The following ZNF704 variants were observed in gnomAD, a reference collection of about 807,000 sequenced individuals.
ZNF704 encodes the protein zinc finger protein 704.
Under a neutral mutation model 44.7 loss-of-function variants are expected in ZNF704, and 10 were observed. That is an observed-to-expected ratio of 0.22 (90% confidence interval 0.14 to 0.38). ZNF704 has a LOEUF of 0.38. Among genes scored for constraint, ZNF704 ranks in the 10% least tolerant of loss-of-function variants. ZNF704 has a pLI of 1.00. For missense variants in ZNF704, 390 were observed against 545.5 expected (o/e 0.71, Z 2.84); for synonymous variants, 211 against 207.6 (o/e 1.02, Z -0.14).
At chr8:80,828,412 A>G (rs1304656780) in intron 1 of ZNF704, among the ~76,000 whole-genome samples, 2 of 152,218 alleles carry the variant, frequency 1.3e-5, no homozygotes, top group Admixed American at 6.5e-5. Context: ...AGGACTGGAG[A>G]AAACCAGTTA....
chr8:80,742,286 C>T (rs1806773484), intron 2 of ZNF704, among the ~76,000 whole-genome samples: 1 of 152,220 alleles, frequency 6.6e-6, no homozygotes, highest in Non-Finnish European at 1.5e-5. Context: ...AGCCCCAATA[C>T]TCAGCAGAAG....
intron 4 of ZNF704, among the ~76,000 whole-genome samples, chr8:80,684,589 G>A (rs539840965): frequency 1.3e-5 from 2 of 152,286 alleles, no homozygotes; most frequent in East Asian, 3.9e-4. Context: ...CAACTAGACA[G>A]AACATATTGT....
chr8:80,816,964 C>T (rs1808186457), intron 2 of ZNF704, among the ~76,000 whole-genome samples: 1 of 152,138 alleles, frequency 6.6e-6, no homozygotes, highest in African/African-American at 2.4e-5. Flanking sequence ...TTCCTACCAA[C>T]CCCAAGAAAC....
chr8:80,673,968 G>A (rs62515115), intron 4 of ZNF704, among the ~76,000 whole-genome samples: 1 of 152,166 alleles, frequency 6.6e-6, no homozygotes, highest in South Asian at 2.1e-4. Flanking sequence ...GCAGCTCCTG[G>A]GCACACACAC....
At chr8:80,724,060 GTGT>G (rs1285234045) in intron 2 of ZNF704, among the ~76,000 whole-genome samples, 3 of 152,164 alleles carry the variant, frequency 2.0e-5, no homozygotes, top group African/African-American at 7.2e-5. Context: ...TACAAAAATG[GTGT>G]TGTTTTGAAG....
intron 2 of ZNF704, among the ~76,000 whole-genome samples, chr8:80,700,718 T>C (rs1328353344): frequency 6.6e-6 from 1 of 152,190 alleles, no homozygotes; most frequent in Admixed American, 6.5e-5. Context: ...ATGTTAACAA[T>C]TGTTGAAGCC....
At position 80,692,029 on chromosome 8, in the gene ZNF704, T is replaced by C. The variant is rs142967122; in HGVS notation, c.325+975A>G. ...CTGTGACCACCAAGATCTTTTTTTT[T>C]CCTTTGGCTGATAAACCTAATCATA... On this transcript the variant is annotated intron_variant, in intron 3 of 8. Transcript: ENST00000327835. 3.8e-3 allele frequency among the ~76,000 whole-genome samples: 572 copies of C among 152,276 alleles called. 3 individuals are homozygous for C. The highest frequency in any genetic ancestry group is 6.8e-3 in the Middle Eastern group (2 of 294).
chr8:80,861,334 A>G (rs1355689399), intron 1 of ZNF704, among the ~76,000 whole-genome samples: 2 of 152,078 alleles, frequency 1.3e-5, no homozygotes, highest in Non-Finnish European at 2.9e-5. Context: ...TACTTCCCCC[A>G]GTGTTTTCTA....
At chr8:80,735,462 C>A (rs1806650772) in intron 2 of ZNF704, among the ~76,000 whole-genome samples, 1 of 152,220 alleles carries the variant, frequency 6.6e-6, no homozygotes, top group Non-Finnish European at 1.5e-5. Flanking sequence ...GAGCCAGGGG[C>A]AGAATCTTCA....
the ZNF704 span, among the ~76,000 whole-genome samples, chr8:80,881,258 C>T: frequency 1.3e-5 from 2 of 151,992 alleles, no homozygotes; most frequent in Non-Finnish European, 2.9e-5. Flanking sequence ...TATTGAAAAC[C>T]GCATAAATAT....
intron 4 of ZNF704, among the ~76,000 whole-genome samples, chr8:80,686,436 CA>C (rs1368047183): frequency 6.6e-6 from 1 of 152,204 alleles, no homozygotes; most frequent in Non-Finnish European, 1.5e-5. Flanking sequence ...GACTGGAGTG[CA>C]GTGGCCAGAT....
chr8:80,855,907 T>C (rs1420679054), intron 1 of ZNF704, among the ~76,000 whole-genome samples: 1 of 152,216 alleles, frequency 6.6e-6, no homozygotes, highest in East Asian at 1.9e-4. Flanking sequence ...ATTGTCTATT[T>C]GCTTCAAAGA....
intron 2 of ZNF704, among the ~76,000 whole-genome samples, chr8:80,809,476 G>C (rs1409790710): frequency 6.6e-6 from 1 of 152,188 alleles, no homozygotes; most frequent in East Asian, 1.9e-4. Flanking sequence ...GGTTAAGAAA[G>C]CAGAGTTCGT....
chr8:80,867,431 C>T (rs1338123598), intron 1 of ZNF704, among the ~76,000 whole-genome samples: 2 of 152,036 alleles, frequency 1.3e-5, no homozygotes, highest in African/African-American at 4.8e-5. Flanking sequence ...GAACTGAGGA[C>T]AATAAATTGG....
intron 2 of ZNF704, among the ~76,000 whole-genome samples, chr8:80,715,354 C>T (rs777991845): frequency 2.9e-4 from 43 of 149,104 alleles, no homozygotes; most frequent in Middle Eastern, 3.2e-3. Context: ...TACTGAGATT[C>T]AACAGGGGGC....
At position 80,633,733 on chromosome 8, in the gene ZNF704, G is replaced by C. The variant is rs575000761; in HGVS notation, c.*7633C>G. 6.6e-6 allele frequency: 1 copy of C among 152,322 alleles called. No individual in the cohort carries two copies. The highest frequency in any genetic ancestry group is 2.1e-4 in the South Asian group (1 of 4,824). 9.4% of individuals were successfully genotyped at this position (152,322 alleles called of 1,614,324 possible). On this transcript the variant is annotated 3_prime_UTR_variant, in exon 9 of 9. Coordinates refer to ENST00000327835, the MANE Select transcript of ZNF704 (RefSeq NM_001033723.3). ...TTACAAAGATCAAATGAAATAGTGT[G>C]TGAACGAGACGTATCTTATTACATA...
chr8:80,659,760 C>T, intron 6 of ZNF704, 71 bp from the exon 7 acceptor site: 1 of 1,352,414 alleles, frequency 7.4e-7, no homozygotes, highest in East Asian at 2.3e-5. Flanking sequence ...CTCTTATTAC[C>T]AAAGGAGGAC....
chr8:80,641,307 C>T lies in ZNF704; in HGVS notation c.*59G>A. On this transcript the variant is annotated 3_prime_UTR_variant, in exon 9 of 9. Coordinates refer to ENST00000327835, the MANE Select transcript of ZNF704 (RefSeq NM_001033723.3). ...TAGGAAAAGCTCTTTCCAACACCTGCAGTGGCAGGCCAGGGCAGGAGCGGC... is the reference window on the plus strand; with the variant it reads ...TAGGAAAAGCTCTTTCCAACACCTGTAGTGGCAGGCCAGGGCAGGAGCGGC... 1 of 1,154,830 alleles carries T rather than the reference C, an allele frequency of 8.7e-7. No individual in the cohort carries two copies. The highest frequency in any genetic ancestry group is 1.2e-6 in the Non-Finnish European group (1 of 821,514). 71.5% of individuals were successfully genotyped at this position (1,154,830 alleles called of 1,614,324 possible).
chr8:80,676,084 T>G (rs1295963991), intron 4 of ZNF704, among the ~76,000 whole-genome samples: 6 of 152,194 alleles, frequency 3.9e-5, no homozygotes, highest in Admixed American at 3.3e-4. Flanking sequence ...GAACAAGGAC[T>G]GGGAATGTTC....
Sources: allele counts gnomAD v4.1 joint callset (sites outside exome capture counted in the v4.1 genomes callset), GRCh38; gene constraint gnomAD v4.1.1; transcripts MANE v1.5; gene names NCBI Gene and HGNC (gene_info 2026-07-23, HGNC 2026-07-21).